PFKFB1: variants seen among roughly 807,000 people sequenced by gnomAD.
PFKFB1 encodes 6-phosphofructo-2-kinase/fructose-2,6-biphosphatase 1, also known as 6-phosphofructo-2-kinase/fructose-2,6-bisphosphatase 1.
Under a neutral mutation model 46.4 loss-of-function variants are expected in PFKFB1, and 34 were observed. The observed-to-expected ratio is 0.73, with a 90% CI of 0.56 to 0.98. The LOEUF is 0.98. Ranked by LOEUF, PFKFB1 falls within the 50% of genes least tolerant of loss-of-function variation. PFKFB1 has a pLI of 0.00. For missense variants in PFKFB1, 393 were observed against 376.3 expected (o/e 1.04, Z -0.37); for synonymous variants, 119 against 133.8 (o/e 0.89, Z 0.76).
In PFKFB1 at chrX:54,958,929, G is replaced by C; in HGVS notation, c.385-4C>G. Reference sequence around the variant, plus strand: ...TAGTGTTGGTGGCATCAAAAACCTAGAGGCAGGTAATGAGATTGGCTTACT... The same window carrying C: ...TAGTGTTGGTGGCATCAAAAACCTACAGGCAGGTAATGAGATTGGCTTACT... On this transcript the variant is annotated splice_polypyrimidine_tract_variant and splice_region_variant and intron_variant, in intron 4 of 13. Transcript: ENST00000375006. 6 of 1,148,831 alleles carry C rather than the reference G, an allele frequency of 5.2e-6. No homozygotes were observed. Among genetic ancestry groups the C allele is most frequent in the Non-Finnish European group, 7.2e-6 (6 of 839,098 alleles). 94.7% of individuals were successfully genotyped at this position (1,148,831 alleles called of 1,213,427 possible).
chrX:54,984,916 A>G (rs1413126930), intron 1 of PFKFB1, among the ~76,000 whole-genome samples: 2 of 110,714 alleles, frequency 1.8e-5, no homozygotes. Context: ...CCCTCATTCC[A>G]TCTTGCTCAC....
At chrX:54,981,940 T>G (rs1935004855) in intron 1 of PFKFB1, among the ~76,000 whole-genome samples, 1 of 111,537 alleles carries the variant, frequency 9.0e-6, no homozygotes, top group African/African-American at 3.2e-5. Flanking sequence ...AATTTGCTTA[T>G]CTCGTGCGGA....
chrX:54,997,254 A>G (rs1286387594), upstream of PFKFB1, among the ~76,000 whole-genome samples: 1 of 111,801 alleles, frequency 8.9e-6, no homozygotes, highest in Non-Finnish European at 1.9e-5. Context: ...GCATCCAGAA[A>G]GGTTTCTCTA....
chrX:54,997,137 G>A (rs1457309136), upstream of PFKFB1, among the ~76,000 whole-genome samples: 3 of 112,056 alleles, frequency 2.7e-5, no homozygotes, highest in Non-Finnish European at 5.6e-5. Context: ...TGCCCTAGAT[G>A]AGATGAACTT....
intron 1 of PFKFB1, among the ~76,000 whole-genome samples, chrX:54,988,588 A>G (rs1193561467): frequency 2.7e-5 from 3 of 111,902 alleles, no homozygotes. Flanking sequence ...CAAAATTACA[A>G]TTAAACTACA....
intron 10 of PFKFB1, among the ~76,000 whole-genome samples, chrX:54,938,331 G>C (rs1933482168): frequency 8.9e-6 from 1 of 112,207 alleles, no homozygotes; most frequent in Admixed American, 9.5e-5. Context: ...AAATGTGTCT[G>C]TCTCTCCTTG....
At chrX:54,941,328 T>A (rs1277811894) in intron 10 of PFKFB1, among the ~76,000 whole-genome samples, 1 of 111,964 alleles carries the variant, frequency 8.9e-6, no homozygotes, top group Admixed American at 9.5e-5. Context: ...GACATAGGCA[T>A]GGGCAAGGAC....
At chrX:54,984,690 C>T (rs1286276060) in intron 1 of PFKFB1, among the ~76,000 whole-genome samples, 1 of 111,472 alleles carries the variant, frequency 9.0e-6, no homozygotes, top group Non-Finnish European at 1.9e-5. Flanking sequence ...AGCTCCCTTT[C>T]GTCTTGGAGA....
intron 4 of PFKFB1, 28 bp from the exon 5 acceptor site, chrX:54,958,953 C>A: frequency 1.0e-6 from 1 of 978,871 alleles, no homozygotes; most frequent in African/African-American, 1.9e-5. Flanking sequence ...GATTGGCTTA[C>A]TCTGAATCTG....
chrX:54,934,969 G>C lies in PFKFB1; in HGVS notation c.1269C>G (p.Leu423=), dbSNP rs767005059. ...PYLKCPLHTV[L]KLTPVAYGCK... ...TACCATAAGCCACAGGAGTGAGTTT[G>C]AGCACTGTGTGCAGAGGGCACTTGA... The change falls in exon 12 of 14, where the codon CTC becomes CTG. Residue 423 remains leucine (L), a synonymous_variant. Coordinates refer to ENST00000375006, the MANE Select transcript of PFKFB1 (RefSeq NM_002625.4). 1 of 1,207,411 alleles carries C rather than the reference G, an allele frequency of 8.3e-7. No homozygotes were observed. The highest frequency in any genetic ancestry group is 1.8e-5 in the South Asian group (1 of 56,480).
chrX:54,987,368 A>T (rs1252496736), intron 1 of PFKFB1, among the ~76,000 whole-genome samples: 1 of 111,648 alleles, frequency 9.0e-6, no homozygotes, highest in Non-Finnish European at 1.9e-5. Flanking sequence ...ACATTTAAAG[A>T]ATAATACGAT....
chrX:54,980,369 TA>T (rs935774490), intron 1 of PFKFB1, among the ~76,000 whole-genome samples: 1 of 106,674 alleles, frequency 9.4e-6, no homozygotes, highest in Non-Finnish European at 1.9e-5. Flanking sequence ...AGTGGCAAAG[TA>T]AAAAACAATG....
At chrX:54,945,323 C>T in intron 10 of PFKFB1, 116 bp downstream of exon 10, 1 of 424,121 alleles carries the variant, frequency 2.4e-6, no homozygotes, top group Non-Finnish European at 4.0e-6. Flanking sequence ...ATGGCAGCTG[C>T]TGCAAGATAT....
chrX:54,975,520 T>C (rs954122260), intron 1 of PFKFB1, among the ~76,000 whole-genome samples: 1 of 110,823 alleles, frequency 9.0e-6, no homozygotes, highest in African/African-American at 3.3e-5. Context: ...AGACTGCACA[T>C]TGGGGCCAGT....
At chrX:54,994,653 G>A (rs1602234038), upstream of PFKFB1, 1 of 751,984 alleles carries the variant, frequency 1.3e-6, no homozygotes. Context: ...GACATGGAAG[G>A]TCCACTACTT....
chrX:54,937,523 T>A, intron 11 of PFKFB1, 72 bp downstream of exon 11: 1 of 980,277 alleles, frequency 1.0e-6, no homozygotes, highest in South Asian at 2.2e-5. Context: ...TACTAAGATA[T>A]AGATATCTAA....
At chrX:54,975,508 A>G in intron 1 of PFKFB1, among the ~76,000 whole-genome samples, 1 of 111,023 alleles carries the variant, frequency 9.0e-6, no homozygotes, top group South Asian at 3.8e-4. Flanking sequence ...GTGAGTGATA[A>G]AAGACTGCAC....
intron 1 of PFKFB1, among the ~76,000 whole-genome samples, chrX:54,964,876 A>G (rs1373213037): frequency 9.0e-6 from 1 of 111,717 alleles, no homozygotes; most frequent in Non-Finnish European, 1.9e-5. Flanking sequence ...TGGGAGAGAA[A>G]AAAACACAGT....
chrX:54,975,154 G>A (rs752529866), intron 1 of PFKFB1, among the ~76,000 whole-genome samples: 3 of 111,252 alleles, frequency 2.7e-5, no homozygotes, highest in Non-Finnish European at 3.8e-5. Context: ...ATGTGCACAC[G>A]CATGTTTATA....
Sources: gnomAD v4.1 joint callset for allele counts (sites outside exome capture counted in the v4.1 genomes callset) on GRCh38, gnomAD v4.1.1 for gene constraint, MANE v1.5 for transcripts, NCBI Gene and HGNC (gene_info 2026-07-23, HGNC 2026-07-21) for gene names.